The following PCDH7 variants were observed in gnomAD, a reference collection of about 807,000 sequenced individuals.
PCDH7 encodes protocadherin 7, also known as protocadherin-7.
A neutral mutation model predicts 58.9 loss-of-function variants in PCDH7; 17 were observed. The ratio of observed to expected loss-of-function variants is 0.29; its 90% CI spans 0.20 to 0.43. PCDH7 has a LOEUF of 0.43. Ranked by LOEUF, PCDH7 falls within the 20% of genes least tolerant of loss-of-function variation. The pLI, the probability that PCDH7 is intolerant of heterozygous loss-of-function variation, is 1.00. For missense variants in PCDH7, 1,274 were observed against 1,441.0 expected, an observed-to-expected ratio of 0.88 and a Z score of 1.88; for synonymous variants, 664 against 616.4, an observed-to-expected ratio of 1.08 and a Z score of -1.14.
intron 3 of PCDH7, among the ~76,000 whole-genome samples, chr4:31,025,798 G>A (rs980994385): frequency 1.3e-5 from 2 of 152,060 alleles, no homozygotes; most frequent in African/African-American, 2.4e-5. Flanking sequence ...TCCAGTCTTC[G>A]TAAATGTAAA....
At chr4:31,067,048 T>A (rs1426339681) in intron 3 of PCDH7, among the ~76,000 whole-genome samples, 1 of 151,966 alleles carries the variant, frequency 6.6e-6, no homozygotes, top group Non-Finnish European at 1.5e-5. Context: ...TGGGCTTTAT[T>A]CCTTTCATGG....
At chr4:30,725,136 CTACTT>C (rs1488353946) in intron 1 of PCDH7, 1 of 999,488 alleles carries the variant, frequency 1.0e-6, no homozygotes, top group African/African-American at 1.7e-5. Context: ...GAAATACTGA[CTACTT>C]TGATGAAACT....
intron 1 of PCDH7, among the ~76,000 whole-genome samples, chr4:30,726,846 G>A (rs1327517103): frequency 1.3e-5 from 2 of 151,808 alleles, no homozygotes; most frequent in South Asian, 2.1e-4. Flanking sequence ...TGCTGTCAGG[G>A]GACAAGGGAT....
At chr4:31,016,792 T>TGTGTGTGC (rs1361456073) in intron 3 of PCDH7, among the ~76,000 whole-genome samples, 1 of 151,686 alleles carries the variant, frequency 6.6e-6, no homozygotes, top group Non-Finnish European at 1.5e-5. Context: ...ATTGTGTGTG[T>TGTGTGTGC]GTGTGTGCGT....
chr4:30,842,340 A>C (rs150506321), intron 1 of PCDH7, among the ~76,000 whole-genome samples: 1,612 of 152,278 alleles, frequency 0.011, 28 homozygotes, highest in African/African-American at 0.036. Flanking sequence ...ATAAATGCCC[A>C]GTCATCATTT....
chr4:31,074,784 C>CAA (rs1157267696), intron 3 of PCDH7, among the ~76,000 whole-genome samples: 8,640 of 51,326 alleles, frequency 0.17, 1,074 homozygotes, highest in Admixed American at 0.23. Context: ...GATTCCGTCT[C>CAA]AAAAAAAAAA....
intron 3 of PCDH7, among the ~76,000 whole-genome samples, chr4:30,975,321 C>T (rs553973011): frequency 1.2e-4 from 18 of 152,206 alleles, no homozygotes; most frequent in African/African-American, 4.3e-4. Flanking sequence ...GGACACATCA[C>T]TCTGGAAAGT....
At chr4:31,028,649 C>A (rs1278585943) in intron 3 of PCDH7, among the ~76,000 whole-genome samples, 1 of 115,536 alleles carries the variant, frequency 8.7e-6, no homozygotes, top group East Asian at 3.0e-4. Context: ...CAGAACAAGA[C>A]CCTGCTTCAA....
At chr4:31,057,291 A>AG (rs1757336269) in intron 3 of PCDH7, among the ~76,000 whole-genome samples, 2 of 152,154 alleles carry the variant, frequency 1.3e-5, no homozygotes, top group African/African-American at 2.4e-5. Flanking sequence ...TTTCTTCAAA[A>AG]TAAAGTCATC....
exon 2 of PCDH7, chr4:30,732,698 T>C (rs1368864832): frequency 6.6e-6 from 1 of 152,044 alleles, no homozygotes; most frequent in African/African-American, 2.4e-5. Context: ...TAAAAATATA[T>C]CTTATTGTGG....
At chr4:30,806,922 C>A (rs1254767968) in intron 1 of PCDH7, among the ~76,000 whole-genome samples, 1 of 152,000 alleles carries the variant, frequency 6.6e-6, no homozygotes, top group Admixed American at 6.6e-5. Context: ...TTTTCATCAT[C>A]CAATTTCTTA....
At chr4:30,761,834 C>A (rs1431631726) in intron 1 of PCDH7, among the ~76,000 whole-genome samples, 1 of 152,122 alleles carries the variant, frequency 6.6e-6, no homozygotes, top group African/African-American at 2.4e-5. Context: ...GCTATTTAAT[C>A]TATTTGGTAG....
chr4:30,787,757 A>G lies in PCDH7; in HGVS notation c.70+63161A>G, dbSNP rs150909553. Among the ~76,000 whole-genome samples the G allele has an allele frequency of 3.9e-3, 589 of 152,146 alleles. 7 individuals are homozygous for G. Among genetic ancestry groups the G allele is most frequent in the African/African-American group, 0.013 (526 of 41,544 alleles). ...AAGTCTAATTTTTGTATGGGTGTGA[A>G]GGTATGTGTATGCACTTATGTGTGC... On this transcript the variant is annotated intron_variant, in intron 1 of 3. Transcript: ENST00000509759.
At chr4:31,137,692 G>T (rs1306809147) in intron 3 of PCDH7, among the ~76,000 whole-genome samples, 1 of 152,144 alleles carries the variant, frequency 6.6e-6, no homozygotes, top group East Asian at 1.9e-4. Flanking sequence ...TGATGTTAAT[G>T]AACAAATTGG....
intron 3 of PCDH7, among the ~76,000 whole-genome samples, chr4:31,069,876 G>A (rs894959582): frequency 2.0e-5 from 3 of 151,800 alleles, no homozygotes; most frequent in African/African-American, 7.2e-5. Context: ...TTCTCCACTT[G>A]ATTCATTTGA....
intron 3 of PCDH7, among the ~76,000 whole-genome samples, chr4:31,022,863 G>T (rs73113482): frequency 0.093 from 14,207 of 152,010 alleles, 1,741 homozygotes; most frequent in African/African-American, 0.28. Context: ...TGCTGTGCAA[G>T]GTAGAATAAT....
intron 2 of PCDH7, among the ~76,000 whole-genome samples, chr4:30,946,609 C>G (rs560708883): frequency 1.3e-5 from 2 of 151,926 alleles, no homozygotes. Flanking sequence ...AAAGCAGTCT[C>G]TCTCTTGTGA....
chr4:31,072,317 T>G (rs1462326436), intron 3 of PCDH7, among the ~76,000 whole-genome samples: 1 of 152,096 alleles, frequency 6.6e-6, no homozygotes, highest in Admixed American at 6.6e-5. Flanking sequence ...TGCATATATC[T>G]AGAGGAGAGT....
At chr4:30,725,612 C>CTT (rs1714505841) in intron 1 of PCDH7, among the ~76,000 whole-genome samples, 1 of 152,024 alleles carries the variant, frequency 6.6e-6, no homozygotes, top group Admixed American at 6.6e-5. Flanking sequence ...CAAACAAGAC[C>CTT]TTTTGGAAAG....
Sources: allele counts gnomAD v4.1 joint callset (sites outside exome capture counted in the v4.1 genomes callset), GRCh38; gene constraint gnomAD v4.1.1; transcripts MANE v1.5; gene names NCBI Gene and HGNC (gene_info 2026-07-23, HGNC 2026-07-21).